MECOM: variants seen among roughly 807,000 people sequenced by gnomAD.
MECOM encodes the protein histone-lysine N-methyltransferase MECOM.
In MECOM, 13 loss-of-function variants were observed where a neutral mutation model predicts 116.3. The observed-to-expected ratio is 0.11, with a 90% confidence interval of 0.07 to 0.18. MECOM has a LOEUF of 0.18. Ranked by LOEUF, MECOM falls within the 10% of genes least tolerant of loss-of-function variation. The probability of loss-of-function intolerance (pLI) is 1.00; values close to 1 mark genes in which losing one functional copy is unlikely to be tolerated. For missense variants in MECOM, 1,299 were observed against 1,509.0 expected, an observed-to-expected ratio of 0.86 and a Z score of 2.31; for synonymous variants, 528 against 535.2, an observed-to-expected ratio of 0.99 and a Z score of 0.19.
At chr3:169,124,473 T>C (rs1245195877) in intron 5 of MECOM, among the ~76,000 whole-genome samples, 4 of 152,108 alleles carry the variant, frequency 2.6e-5, no homozygotes, top group Admixed American at 2.6e-4. Context: ...TTGCTATATG[T>C]GGACTTTATT....
intron 2 of MECOM, among the ~76,000 whole-genome samples, chr3:169,281,289 G>GTAGAAATAGCGGGACCCTGGTTAAGTCAC (rs1711939769): frequency 6.6e-6 from 1 of 152,174 alleles, no homozygotes. Context: ...ATCTCTGGGT[G>GTAGAAATAGCGGGACCCTGGTTAAGTCAC]TAGAAATAGC....
rs534125658 is a variant in MECOM at position 169,484,684 on chromosome 3, A to C, written c.38-103160T>G. 6.0e-4 allele frequency among the ~76,000 whole-genome samples: 92 copies of C among 152,352 alleles called. 2 individuals are homozygous for C. In the South Asian group the frequency reaches 0.019, roughly 31 times the overall value. ...ATCTCAGCTAATAATGGAAATAATAATTAAATATTAACAACAGATGGATGT... is the reference window on the plus strand; with the variant it reads ...ATCTCAGCTAATAATGGAAATAATACTTAAATATTAACAACAGATGGATGT... On this transcript the variant is annotated intron_variant, in intron 1 of 16. Coordinates refer to ENST00000651503, the MANE Select transcript of MECOM (RefSeq NM_004991.4).
intron 1 of MECOM, among the ~76,000 whole-genome samples, chr3:169,402,104 A>C (rs1735998692): frequency 6.6e-6 from 1 of 152,330 alleles, no homozygotes; most frequent in East Asian, 1.9e-4. Context: ...ATGAAGAATA[A>C]CAGGGAGAGA....
At chr3:169,608,734 A>G (rs1768889232) in intron 1 of MECOM, among the ~76,000 whole-genome samples, 1 of 152,226 alleles carries the variant, frequency 6.6e-6, no homozygotes, top group Non-Finnish European at 1.5e-5. Context: ...CTGTTAAAGT[A>G]CGATAAATGC....
At chr3:169,174,050 T>C (rs1744810815) in intron 2 of MECOM, among the ~76,000 whole-genome samples, 1 of 152,206 alleles carries the variant, frequency 6.6e-6, no homozygotes, top group Non-Finnish European at 1.5e-5. Flanking sequence ...CTGTCTACCC[T>C]TGACTTGCCA....
intron 1 of MECOM, among the ~76,000 whole-genome samples, chr3:169,494,311 G>C (rs1268871272): frequency 6.6e-6 from 1 of 152,024 alleles, no homozygotes; most frequent in Non-Finnish European, 1.5e-5. Flanking sequence ...CTAACAAGTT[G>C]ACAGTTCACA....
chr3:169,472,829 CAT>C (rs748302591), intron 1 of MECOM: 7 of 226,064 alleles, frequency 3.1e-5, no homozygotes, highest in South Asian at 1.6e-4. Context: ...AAATCCTAAT[CAT>C]GTGTTTAACC....
At position 169,470,394 on chromosome 3, in the gene MECOM, G is replaced by T. The variant is rs544987418; in HGVS notation, c.38-88870C>A. ...TAGTCTAATGGAAGAGAGAAAAAAC[G>T]AGCTTCTTGATGACAGCAAAACCAC... On this transcript the variant is annotated intron_variant, in intron 1 of 16. Transcript: ENST00000651503. Among the ~76,000 whole-genome samples the T allele has an allele frequency of 3.9e-5, 6 of 152,268 alleles. No individual in the cohort carries two copies. The South Asian group carries it at 1.2e-3, about 32-fold the overall frequency.
chr3:169,619,522 G>T (rs903281579), intron 1 of MECOM, among the ~76,000 whole-genome samples: 4 of 152,058 alleles, frequency 2.6e-5, no homozygotes, highest in African/African-American at 2.4e-5. Context: ...CTTCACCTGG[G>T]GAGAAGATTG....
At chr3:169,235,968 T>C (rs1754010557) in intron 2 of MECOM, among the ~76,000 whole-genome samples, 2 of 151,974 alleles carry the variant, frequency 1.3e-5, no homozygotes, top group Admixed American at 1.3e-4. Context: ...ACGCATTCAG[T>C]AGAAACTGGA....
intron 2 of MECOM, among the ~76,000 whole-genome samples, chr3:169,164,865 A>G (rs1004144166): frequency 6.6e-6 from 1 of 152,090 alleles, no homozygotes; most frequent in Non-Finnish European, 1.5e-5. Context: ...TATTTACACT[A>G]TTTTAAACTT....
At chr3:169,472,613 G>GAAAGA (rs772494863) in intron 1 of MECOM, among the ~76,000 whole-genome samples, 608 of 47,904 alleles carry the variant, frequency 0.013, 29 homozygotes, top group East Asian at 0.016. Context: ...GAAAGGAAAG[G>GAAAGA]AAAGAAAAGA....
chr3:169,360,753 T>C (rs1178034416), intron 2 of MECOM, among the ~76,000 whole-genome samples: 1 of 151,816 alleles, frequency 6.6e-6, no homozygotes, highest in Non-Finnish European at 1.5e-5. Flanking sequence ...CAACATCTTG[T>C]TAATGGGCGG....
At chr3:169,300,768 C>T (rs992724766) in intron 2 of MECOM, among the ~76,000 whole-genome samples, 4 of 152,172 alleles carry the variant, frequency 2.6e-5, no homozygotes, top group Admixed American at 1.3e-4. Context: ...CAAACAAAGA[C>T]GATAACCCAA....
intron 1 of MECOM, among the ~76,000 whole-genome samples, chr3:169,627,986 C>T (rs16854225): frequency 0.013 from 2,055 of 152,282 alleles, 50 homozygotes; most frequent in African/African-American, 0.046. Context: ...AAGTCAGAGT[C>T]GGAGAACTTG....
intron 1 of MECOM, among the ~76,000 whole-genome samples, chr3:169,507,688 G>A (rs867293429): frequency 1.2e-4 from 7 of 57,486 alleles, no homozygotes; most frequent in South Asian, 3.9e-4. Context: ...TTGAGATGGA[G>A]TCTCGCTCTT....
At chr3:169,605,136 C>G (rs2109776349) in intron 1 of MECOM, among the ~76,000 whole-genome samples, 1 of 152,188 alleles carries the variant, frequency 6.6e-6, no homozygotes, top group South Asian at 2.1e-4. Flanking sequence ...AAAAAAATAA[C>G]CTGGCTCTCG....
intron 1 of MECOM, among the ~76,000 whole-genome samples, chr3:169,436,478 G>T (rs1250827504): frequency 2.6e-5 from 4 of 152,018 alleles, no homozygotes; most frequent in African/African-American, 9.7e-5. Context: ...TCAAACTCCC[G>T]ACCTCAGGTG....
chr3:169,584,331 C>G (rs568652043), intron 1 of MECOM, among the ~76,000 whole-genome samples: 1 of 151,614 alleles, frequency 6.6e-6, no homozygotes, highest in Non-Finnish European at 1.5e-5. Context: ...TTTGGGAGGC[C>G]GGGGCGGGCG....
Sources: gnomAD v4.1 joint callset for allele counts (sites outside exome capture counted in the v4.1 genomes callset) on GRCh38, gnomAD v4.1.1 for gene constraint, MANE v1.5 for transcripts, NCBI Gene and HGNC (gene_info 2026-07-23, HGNC 2026-07-21) for gene names.